CHST8: variants seen among roughly 807,000 people sequenced by gnomAD.
CHST8 encodes GALNAC-4-ST1.
In CHST8, 10 loss-of-function variants were observed where a neutral mutation model predicts 15.0. The ratio of observed to expected loss-of-function variants is 0.67; its 90% CI spans 0.41 to 1.13. CHST8 has a LOEUF of 1.13. CHST8 is among the 50% of genes most tolerant of loss of function. The probability of loss-of-function intolerance (pLI) is 0.00; values close to 1 mark genes in which losing one functional copy is unlikely to be tolerated. For missense variants in CHST8, 634 were observed against 608.2 expected (o/e 1.04, Z -0.45); for synonymous variants, 259 against 256.6 (o/e 1.01, Z -0.09).
intron 1 of CHST8, among the ~76,000 whole-genome samples, chr19:33,639,244 G>A (rs1171414986): frequency 2.0e-5 from 3 of 152,058 alleles, no homozygotes; most frequent in African/African-American, 7.2e-5. Context: ...GTTAAAACCC[G>A]TGTACGGGTA....
At chr19:33,727,080 CT>C (rs1445899107) in intron 3 of CHST8, among the ~76,000 whole-genome samples, 1 of 152,032 alleles carries the variant, frequency 6.6e-6, no homozygotes, top group Non-Finnish European at 1.5e-5. Flanking sequence ...CAAAGATGCA[CT>C]TCATCCACAG....
chr19:33,633,589 G>A (rs1568308914), intron 1 of CHST8, among the ~76,000 whole-genome samples: 1 of 149,766 alleles, frequency 6.7e-6, no homozygotes, highest in African/African-American at 2.5e-5. Context: ...GAGATGGGGG[G>A]GTCTCACTTT....
At chr19:33,752,661 C>T (rs1295698440) in intron 3 of CHST8, among the ~76,000 whole-genome samples, 2 of 152,156 alleles carry the variant, frequency 1.3e-5, no homozygotes, top group African/African-American at 4.8e-5. Context: ...TCAGGGCTGG[C>T]ATGCAAGTGT....
chr19:33,646,289 A>C (rs10406554), intron 1 of CHST8, among the ~76,000 whole-genome samples: 14,401 of 151,934 alleles, frequency 0.095, 1,267 homozygotes, highest in African/African-American at 0.22. Context: ...TGTGTTAGGG[A>C]TGAAATTATA....
At chr19:33,697,504 T>C (rs566039657) in intron 3 of CHST8, among the ~76,000 whole-genome samples, 21 of 152,328 alleles carry the variant, frequency 1.4e-4, no homozygotes, top group African/African-American at 4.8e-4. Context: ...AGTGCTGAGA[T>C]TATAGTCTGA....
chr19:33,669,570 C>T (rs1019049634), intron 2 of CHST8, among the ~76,000 whole-genome samples: 5 of 152,194 alleles, frequency 3.3e-5, no homozygotes, highest in Non-Finnish European at 5.9e-5. Context: ...AGCACCTCGT[C>T]AGGATCCAAA....
At chr19:33,685,391 G>A (rs1972960094) in intron 2 of CHST8, among the ~76,000 whole-genome samples, 1 of 149,464 alleles carries the variant, frequency 6.7e-6, no homozygotes, top group Admixed American at 6.7e-5. Context: ...AATTGGTGAC[G>A]CCATTCAGGC....
intron 3 of CHST8, among the ~76,000 whole-genome samples, chr19:33,692,516 A>G (rs1030549188): frequency 6.6e-6 from 1 of 152,150 alleles, no homozygotes; most frequent in Non-Finnish European, 1.5e-5. Context: ...TGGGCAACAT[A>G]GCAAGACCCT....
intron 3 of CHST8, among the ~76,000 whole-genome samples, chr19:33,756,097 G>A (rs1467860105): frequency 6.6e-6 from 1 of 152,226 alleles, no homozygotes; most frequent in Non-Finnish European, 1.5e-5. Context: ...GCTGGAGAGC[G>A]AAGAACGGGA....
At position 33,725,148 on chromosome 19, in the gene CHST8, T is replaced by TCTCCA. The variant is rs1335677141; in HGVS notation, c.130+35757_130+35758insCTCCA. Reference sequence around the variant, plus strand: ...GTCTCCAGAGCTGCGTGGCTGCATGTGATTGTGGGGACACAACCGAGTCTC... The same window carrying TCTCCA: ...GTCTCCAGAGCTGCGTGGCTGCATGTCTCCAGATTGTGGGGACACAACCGAGTCTC... On this transcript the variant is annotated intron_variant, in intron 3 of 4. Coordinates refer to ENST00000650847, the MANE Select transcript of CHST8 (RefSeq NM_001127895.2). Among the ~76,000 whole-genome samples the TCTCCA allele has an allele frequency of 4.5e-4, 68 of 152,172 alleles. No individual in the cohort carries two copies. The Middle Eastern group carries it at 0.01, about 23-fold the overall frequency.
intron 1 of CHST8, among the ~76,000 whole-genome samples, chr19:33,636,012 CTT>C (rs35790837): frequency 5.0e-5 from 7 of 138,832 alleles, no homozygotes; most frequent in African/African-American, 2.7e-5. Flanking sequence ...AAAAACAACA[CTT>C]TTTTTTTTTT....
chr19:33,704,463 A>G (rs1024567334), intron 3 of CHST8, among the ~76,000 whole-genome samples: 9 of 152,058 alleles, frequency 5.9e-5, no homozygotes, highest in African/African-American at 2.2e-4. Context: ...AGACCACAGG[A>G]TGGGGGAAAG....
intron 2 of CHST8, among the ~76,000 whole-genome samples, chr19:33,674,146 C>T (rs1972779808): frequency 6.6e-6 from 1 of 152,196 alleles, no homozygotes; most frequent in African/African-American, 2.4e-5. Flanking sequence ...GGTCTCCTTG[C>T]ACTGGGATGG....
chr19:33,713,008 C>T (rs1441872092), intron 3 of CHST8, among the ~76,000 whole-genome samples: 3 of 152,098 alleles, frequency 2.0e-5, no homozygotes, highest in South Asian at 2.1e-4. Context: ...ATGTGGCCCT[C>T]GCCCCATGGA....
chr19:33,655,810 G>T (rs1467506955), intron 1 of CHST8, among the ~76,000 whole-genome samples: 1 of 151,414 alleles, frequency 6.6e-6, no homozygotes, highest in African/African-American at 2.4e-5. Flanking sequence ...GAGATTTGTT[G>T]ATTTCATTGG....
intron 3 of CHST8, among the ~76,000 whole-genome samples, chr19:33,742,851 C>T (rs1356112888): frequency 1.3e-5 from 2 of 152,272 alleles, no homozygotes; most frequent in South Asian, 4.2e-4. Flanking sequence ...CAAGTGTGCA[C>T]ACTTTGGTTA....
chr19:33,643,199 G>A (rs1336423120), intron 1 of CHST8, among the ~76,000 whole-genome samples: 5 of 152,048 alleles, frequency 3.3e-5, no homozygotes, highest in Non-Finnish European at 5.9e-5. Flanking sequence ...GTGCGTGAGC[G>A]GGCCTATTTT....
At chr19:33,687,237 T>C (rs944995018) in intron 2 of CHST8, among the ~76,000 whole-genome samples, 1 of 152,214 alleles carries the variant, frequency 6.6e-6, no homozygotes, top group African/African-American at 2.4e-5. Flanking sequence ...GGGCTTACAG[T>C]GCTGCATCTG....
chr19:33,735,180 A>AG (rs1599600746), intron 3 of CHST8, among the ~76,000 whole-genome samples: 1 of 152,128 alleles, frequency 6.6e-6, no homozygotes, highest in African/African-American at 2.4e-5. Context: ...AGGGTTGGGT[A>AG]GGGGGGTCAG....
Sources: allele counts gnomAD v4.1 joint callset (sites outside exome capture counted in the v4.1 genomes callset), GRCh38; gene constraint gnomAD v4.1.1; transcripts MANE v1.5; gene names NCBI Gene and HGNC (gene_info 2026-07-23, HGNC 2026-07-21).